Variants in TRPC7 observed in about 807,000 individuals in gnomAD.
TRPC7 encodes short transient receptor potential channel 7.
In TRPC7, 42 loss-of-function variants were observed where a neutral mutation model predicts 90.1. The ratio of observed to expected loss-of-function variants is 0.47; its 90% CI spans 0.36 to 0.60. TRPC7 has a LOEUF of 0.60. TRPC7 is among the 20% of genes least tolerant of loss of function. The pLI is 0.00. For missense variants in TRPC7, 955 were observed against 1,112.3 expected (o/e 0.86, Z 2.01); for synonymous variants, 451 against 436.3 (o/e 1.03, Z -0.42).
Position 136,213,378 on chromosome 5 carries a change from G to C in TRPC7, c.*57C>G. ...CCCTCCCCACCAAGGATGGGGGCGAGGGCATCCAACCTGGCCTTGGAATGC... is the reference window on the plus strand; with the variant it reads ...CCCTCCCCACCAAGGATGGGGGCGACGGCATCCAACCTGGCCTTGGAATGC... On this transcript the variant is annotated 3_prime_UTR_variant, in exon 12 of 12. Coordinates refer to ENST00000513104, the MANE Select transcript of TRPC7 (RefSeq NM_020389.3). The C allele has an allele frequency of 6.3e-7, 1 of 1,583,876 alleles. No individual in the cohort carries two copies. The highest frequency in any genetic ancestry group is 8.6e-7 in the Non-Finnish European group (1 of 1,161,338).
chr5:136,226,191 C>A lies in TRPC7; in HGVS notation c.2105G>T (p.Gly702Val), dbSNP rs866424613. The A allele has an allele frequency of 1.3e-6, 2 of 1,554,056 alleles. No individual in the cohort carries two copies. Among genetic ancestry groups the A allele is most frequent in the South Asian group, 1.2e-5 (1 of 84,266 alleles). Residue 702 changes from glycine to valine, a missense_variant, in exon 9 of 12, where the codon GGA (glycine) becomes GTA (valine). Physicochemically the swap from Gly to Val is moderately radical, Grantham distance 109 (BLOSUM62 -3). This residue lies in a region of TRPC7 where 296 missense variants were observed against 422.7 expected (regional missense o/e 0.70). Transcript: ENST00000513104. The stretch of plus-strand genomic sequence containing the variant: ...ATTAAAAGGAGCAGGTAGAGTTCTT[C>A]CTTCATCAAAGTAAGACAGCCAGAG... The part of the protein sequence containing the change: ...AKLWLSYFDE[G>V]RTLPAPFNLV...
intron 5 of TRPC7, among the ~76,000 whole-genome samples, chr5:136,254,646 A>T (rs1214613675): frequency 6.6e-6 from 1 of 152,190 alleles, no homozygotes; most frequent in Non-Finnish European, 1.5e-5. Flanking sequence ...TATACAGGAG[A>T]TTAGCATTGT....
intron 3 of TRPC7, among the ~76,000 whole-genome samples, chr5:136,290,920 C>G (rs967001401): frequency 2.6e-5 from 4 of 152,160 alleles, no homozygotes; most frequent in African/African-American, 9.7e-5. Context: ...AAAGGAAAGC[C>G]CATCAGACTA....
intron 5 of TRPC7, among the ~76,000 whole-genome samples, chr5:136,261,927 G>A (rs922369201): frequency 2.6e-5 from 4 of 152,138 alleles, no homozygotes; most frequent in Non-Finnish European, 5.9e-5. Context: ...CCTGCAAACT[G>A]CTCCACCTTG....
At chr5:136,278,432 TCAC>T (rs1561698507) in intron 3 of TRPC7, among the ~76,000 whole-genome samples, 1 of 152,228 alleles carries the variant, frequency 6.6e-6, no homozygotes, top group South Asian at 2.1e-4. Context: ...CTTCTGCATG[TCAC>T]CACATCTGGA....
At chr5:136,296,079 G>C (rs1045518802) in intron 3 of TRPC7, among the ~76,000 whole-genome samples, 1 of 152,128 alleles carries the variant, frequency 6.6e-6, no homozygotes, top group Non-Finnish European at 1.5e-5. Flanking sequence ...AAGTGGTAAG[G>C]CTCCGGTATG....
intron 2 of TRPC7, among the ~76,000 whole-genome samples, chr5:136,330,176 G>A (rs1216006994): frequency 1.3e-5 from 2 of 152,156 alleles, no homozygotes; most frequent in African/African-American, 4.8e-5. Flanking sequence ...CCCCACATGG[G>A]GGTGGCCAAA....
intron 4 of TRPC7, among the ~76,000 whole-genome samples, chr5:136,269,009 A>G (rs1157622345): frequency 1.3e-5 from 2 of 152,230 alleles, no homozygotes; most frequent in Admixed American, 1.3e-4. Flanking sequence ...CAAGGCCATC[A>G]GATGAGCCAA....
intron 5 of TRPC7, among the ~76,000 whole-genome samples, chr5:136,260,774 G>A (rs1756832301): frequency 6.6e-6 from 1 of 152,202 alleles, no homozygotes; most frequent in Non-Finnish European, 1.5e-5. Flanking sequence ...GGGGGTGGGA[G>A]GGGCAGCAGC....
chr5:136,300,366 G>T (rs574284373), intron 3 of TRPC7, among the ~76,000 whole-genome samples: 1 of 152,164 alleles, frequency 6.6e-6, no homozygotes, highest in Non-Finnish European at 1.5e-5. Flanking sequence ...GAGTACTCCC[G>T]AGACCCATTG....
intron 2 of TRPC7, among the ~76,000 whole-genome samples, chr5:136,327,202 T>C (rs1276237206): frequency 6.6e-6 from 1 of 152,140 alleles, no homozygotes; most frequent in Admixed American, 6.5e-5. Flanking sequence ...ACCAAAATTG[T>C]GATAGAGTGA....
At chr5:136,243,118 G>C (rs1756220973) in intron 7 of TRPC7, among the ~76,000 whole-genome samples, 1 of 152,134 alleles carries the variant, frequency 6.6e-6, no homozygotes, top group Non-Finnish European at 1.5e-5. Flanking sequence ...CTTTCCCTCT[G>C]TCTTAGAATG....
At chr5:136,238,382 G>C (rs1397640149) in intron 7 of TRPC7, among the ~76,000 whole-genome samples, 2 of 152,150 alleles carry the variant, frequency 1.3e-5, no homozygotes, top group East Asian at 3.9e-4. Flanking sequence ...TTGTAGCTGG[G>C]GGGAGGGGTC....
intron 2 of TRPC7, among the ~76,000 whole-genome samples, chr5:136,324,340 T>A (rs1759282910): frequency 6.6e-6 from 1 of 152,176 alleles, no homozygotes; most frequent in African/African-American, 2.4e-5. Flanking sequence ...ATTGATAAGT[T>A]TTTCTTTCTA....
chr5:136,217,543 C>T (rs1389790896), intron 10 of TRPC7, among the ~76,000 whole-genome samples: 1 of 152,194 alleles, frequency 6.6e-6, no homozygotes, highest in Non-Finnish European at 1.5e-5. Flanking sequence ...CATGGGCCAA[C>T]TGGCTGTGTG....
chr5:136,326,763 C>A (rs1028288315), intron 2 of TRPC7, among the ~76,000 whole-genome samples: 2 of 151,986 alleles, frequency 1.3e-5, no homozygotes, highest in Admixed American at 6.6e-5. Context: ...GTGTTTTTGC[C>A]AAAGAGTGCA....
intron 10 of TRPC7, among the ~76,000 whole-genome samples, chr5:136,222,831 C>G (rs986826474): frequency 3.9e-5 from 6 of 152,282 alleles, no homozygotes; most frequent in Non-Finnish European, 7.3e-5. Flanking sequence ...ACTTGTGTGG[C>G]CTTGGCCACT....
chr5:136,285,574 A>AT (rs1757686856), intron 3 of TRPC7, among the ~76,000 whole-genome samples: 3 of 152,072 alleles, frequency 2.0e-5, no homozygotes, highest in Admixed American at 2.0e-4. Flanking sequence ...TTTTTTAAAC[A>AT]TTTTTTTCCA....
intron 9 of TRPC7, 145 bp from the exon 10 acceptor site, chr5:136,225,499 G>T (rs2149794880): frequency 2.8e-6 from 2 of 708,192 alleles, no homozygotes; most frequent in Non-Finnish European, 4.7e-6. Context: ...GTGCTGCTTG[G>T]CTTCCTAGAA....
Sources: gnomAD v4.1 joint callset for allele counts (sites outside exome capture counted in the v4.1 genomes callset) on GRCh38, gnomAD v4.1.1 for gene constraint, gnomAD v4.1.1 regional missense constraint, MANE v1.5 for transcripts, NCBI Gene and HGNC (gene_info 2026-07-23, HGNC 2026-07-21) for gene names.